The following RARB variants were observed in gnomAD, a reference collection of about 807,000 sequenced individuals.
The protein encoded by RARB is HBV-activated protein.
A neutral mutation model predicts 51.9 loss-of-function variants in RARB; 17 were observed. The observed-to-expected ratio is 0.33, with a 90% CI of 0.22 to 0.49. The LOEUF is 0.49. RARB is among the 20% of genes least tolerant of loss of function. RARB has a pLI of 0.99. For missense variants in RARB, 369 were observed against 550.8 expected (o/e 0.67, Z 3.30); for synonymous variants, 215 against 195.4 (o/e 1.10, Z -0.84).
At chr3:25,330,817 G>A (rs1299938101) in intron 5 of RARB, among the ~76,000 whole-genome samples, 2 of 151,958 alleles carry the variant, frequency 1.3e-5, no homozygotes, top group African/African-American at 2.4e-5. Context: ...GGATGGAGGA[G>A]GATCTACCAA....
chr3:25,189,757 C>A (rs982296446), intron 5 of RARB, among the ~76,000 whole-genome samples: 1 of 151,938 alleles, frequency 6.6e-6, no homozygotes, highest in African/African-American at 2.4e-5. Flanking sequence ...TGGTGGTGGG[C>A]GCCTGTAATC....
chr3:25,496,824 T>C (rs1349967842), intron 2 of RARB, among the ~76,000 whole-genome samples: 1 of 151,976 alleles, frequency 6.6e-6, no homozygotes, highest in East Asian at 1.9e-4. Context: ...AATGAAAGAG[T>C]ACCATTACGG....
chr3:25,350,969 G>T (rs768834199), intron 5 of RARB, among the ~76,000 whole-genome samples: 25 of 152,178 alleles, frequency 1.6e-4, no homozygotes, highest in Non-Finnish European at 2.4e-4. Context: ...AGAGCCTCCA[G>T]TTCCTTTATT....
At chr3:25,061,308 G>A (rs1314284000) in intron 3 of RARB, among the ~76,000 whole-genome samples, 2 of 151,832 alleles carry the variant, frequency 1.3e-5, no homozygotes, top group East Asian at 1.9e-4. Context: ...ATATCAAAGT[G>A]TACTGGGAAG....
intron 2 of RARB, among the ~76,000 whole-genome samples, chr3:24,889,130 TG>T (rs1219314487): frequency 6.6e-6 from 1 of 152,204 alleles, no homozygotes; most frequent in Non-Finnish European, 1.5e-5. Flanking sequence ...GCCCACCAAA[TG>T]GGTGGATTCA....
At chr3:25,164,166 T>C (rs1700523524) in intron 4 of RARB, among the ~76,000 whole-genome samples, 1 of 152,166 alleles carries the variant, frequency 6.6e-6, no homozygotes, top group Non-Finnish European at 1.5e-5. Flanking sequence ...GAACTAGTTA[T>C]TATATCTTTG....
At chr3:25,408,441 A>G (rs1262813843) in intron 5 of RARB, among the ~76,000 whole-genome samples, 1 of 152,062 alleles carries the variant, frequency 6.6e-6, no homozygotes, top group Non-Finnish European at 1.5e-5. Flanking sequence ...CTCAGATCTC[A>G]TGAGAACTTA....
chr3:24,851,971 C>T (rs1428369262), intron 1 of RARB, among the ~76,000 whole-genome samples: 2 of 152,210 alleles, frequency 1.3e-5, no homozygotes, highest in South Asian at 4.1e-4. Flanking sequence ...GAAGCCCATG[C>T]TTGTATTTCA....
chr3:25,022,640 TATATAGC>T (rs1328723090), intron 2 of RARB, among the ~76,000 whole-genome samples: 1 of 152,184 alleles, frequency 6.6e-6, no homozygotes, highest in Non-Finnish European at 1.5e-5. Flanking sequence ...TTCTGTTGAG[TATATAGC>T]ATCACATTGT....
chr3:25,026,392 A>C lies in RARB; in HGVS notation c.-379-33733A>C, dbSNP rs115144132. Among the ~76,000 whole-genome samples the C allele has an allele frequency of 3.3e-3, 502 of 152,336 alleles. 1 individual carries two copies. Among genetic ancestry groups the C allele is most frequent in the Middle Eastern group, 0.017 (5 of 294 alleles). On this transcript the variant is annotated intron_variant, in intron 2 of 11. Coordinates refer to the RARB transcript ENST00000383772. ...TTTGGGGGCTACAAGCCCAAGATCA[A>C]GGTGTTGGTGGGTGTCGTGTCCTCT...
At chr3:25,176,931 G>A (rs1479185582) in intron 5 of RARB, among the ~76,000 whole-genome samples, 1 of 152,108 alleles carries the variant, frequency 6.6e-6, no homozygotes, top group African/African-American at 2.4e-5. Context: ...TGAAAAGCGA[G>A]GGTTTGAAGT....
chr3:25,203,560 T>C (rs1037066353), intron 5 of RARB, among the ~76,000 whole-genome samples: 1 of 152,260 alleles, frequency 6.6e-6, no homozygotes, highest in Non-Finnish European at 1.5e-5. Flanking sequence ...GTTTTTGCAG[T>C]GGCTGGTACT....
chr3:25,018,574 A>G (rs996294819), intron 2 of RARB, among the ~76,000 whole-genome samples: 1 of 152,210 alleles, frequency 6.6e-6, no homozygotes, highest in Non-Finnish European at 1.5e-5. Flanking sequence ...CAACTGTTAA[A>G]AGAAATTGAC....
At chr3:24,941,292 G>A (rs73137259) in intron 2 of RARB, among the ~76,000 whole-genome samples, 4,994 of 151,970 alleles carry the variant, frequency 0.033, 245 homozygotes, top group African/African-American at 0.11. Flanking sequence ...TTTTTACTAC[G>A]TCTAAAGGAT....
chr3:24,961,304 C>T (rs1696134325), intron 2 of RARB, among the ~76,000 whole-genome samples: 2 of 152,090 alleles, frequency 1.3e-5, no homozygotes, highest in Non-Finnish European at 2.9e-5. Flanking sequence ...CCACCTTTTT[C>T]CAGACCAAGA....
intron 3 of RARB, among the ~76,000 whole-genome samples, chr3:25,101,119 G>C (rs1170412570): frequency 6.6e-6 from 1 of 152,130 alleles, no homozygotes; most frequent in Non-Finnish European, 1.5e-5. Flanking sequence ...GTTACTGACA[G>C]GTCTTGGGTC....
chr3:25,279,806 A>G (rs1190883602), intron 5 of RARB, among the ~76,000 whole-genome samples: 2 of 152,058 alleles, frequency 1.3e-5, no homozygotes, highest in South Asian at 2.1e-4. Context: ...ACTGTGGGTA[A>G]TTTTGTCCCA....
At chr3:25,271,084 A>T (rs1446375362) in intron 5 of RARB, among the ~76,000 whole-genome samples, 2 of 152,234 alleles carry the variant, frequency 1.3e-5, no homozygotes, top group Non-Finnish European at 2.9e-5. Flanking sequence ...TGGCAATTAG[A>T]ACATAAGTCT....
intron 5 of RARB, among the ~76,000 whole-genome samples, chr3:25,258,810 C>T (rs184880579): frequency 2.0e-5 from 3 of 152,106 alleles, no homozygotes; most frequent in South Asian, 4.2e-4. Flanking sequence ...CAAACAGGAG[C>T]GGCAGCCTCA....
Sources: gnomAD v4.1 joint callset for allele counts (sites outside exome capture counted in the v4.1 genomes callset) on GRCh38, gnomAD v4.1.1 for gene constraint, MANE v1.5 for transcripts, NCBI Gene and HGNC (gene_info 2026-07-23, HGNC 2026-07-21) for gene names.